The following PDS5A variants were observed in gnomAD, a reference collection of about 807,000 sequenced individuals.
PDS5A encodes PDS5 cohesin associated factor A.
In PDS5A, 42 loss-of-function variants were observed where a neutral mutation model predicts 167.1. The ratio of observed to expected loss-of-function variants is 0.25; its 90% CI spans 0.20 to 0.33. The LOEUF (loss-of-function observed/expected upper bound fraction) is 0.33. Among genes scored for constraint, PDS5A ranks in the 10% least tolerant of loss-of-function variants. PDS5A has a pLI of 1.00. For missense variants in PDS5A, 1,033 were observed against 1,605.9 expected (o/e 0.64, Z 6.10); for synonymous variants, 553 against 554.6 (o/e 1.00, Z 0.04).
At chr4:39,828,556 C>T (rs1052922597) in intron 32 of PDS5A, among the ~76,000 whole-genome samples, 2 of 152,136 alleles carry the variant, frequency 1.3e-5, no homozygotes, top group African/African-American at 4.8e-5. Context: ...CAGAAATCTA[C>T]CTAAAAGAGC....
chr4:39,908,455 G>A lies in PDS5A; in HGVS notation c.1173C>T (p.Asp391=). ...IVTIITAAKR[D]LALVNDQLLG... ...GCAGCTGATCATTTACTAAGGCCAG[G>A]TCCCTCTTGGCAGCTGTTATTATAG... The change falls in exon 11 of 33, where the codon GAC becomes GAT. Residue 391 remains aspartate (D), a synonymous_variant. Coordinates refer to ENST00000303538, the MANE Select transcript of PDS5A (RefSeq NM_001100399.2). 1.2e-6 allele frequency: 2 copies of A among 1,610,440 alleles called. No individual in the cohort carries two copies. The highest frequency in any genetic ancestry group is 1.7e-6 in the Non-Finnish European group (2 of 1,176,826).
At chr4:39,880,350 A>C (rs1720827229) in intron 17 of PDS5A, among the ~76,000 whole-genome samples, 1 of 152,186 alleles carries the variant, frequency 6.6e-6, no homozygotes, top group South Asian at 2.1e-4. Flanking sequence ...AATTAGGAAC[A>C]ATTTAATTGT....
chr4:39,866,780 T>C, intron 23 of PDS5A, 81 bp downstream of exon 23: 1 of 1,219,116 alleles, frequency 8.2e-7, no homozygotes, highest in South Asian at 1.5e-5. Flanking sequence ...CACCATTCAG[T>C]ATTCATTAGG....
At chr4:39,827,524 A>T (rs952004982) in intron 32 of PDS5A, among the ~76,000 whole-genome samples, 4 of 152,208 alleles carry the variant, frequency 2.6e-5, no homozygotes, top group Admixed American at 2.6e-4. Flanking sequence ...TTACTAAAAA[A>T]AATTCATATT....
Position 39,976,552 on chromosome 4 carries a change from G to A in PDS5A, c.26C>T (p.Pro9Leu), listed in dbSNP as rs1731104698. Residue 9 changes from proline to leucine, a missense_variant, in exon 2 of 33, where the codon CCT (proline) becomes CTT (leucine). Pro to Leu is a moderately conservative substitution (Grantham distance 98). This residue lies in a region of PDS5A where 388 missense variants were observed against 615.1 expected (regional missense o/e 0.63). Transcript: ENST00000303538. MDFTAQPKPATALCGVVSA... is the reference protein window; with the variant it reads MDFTAQPKLATALCGVVSA... ...CACGACGCCACAGAGGGCAGTGGCA[G>A]GCTTGGGCTGCGCGGTGAAGTCCAT... 1 of 1,612,912 alleles carries A rather than the reference G, an allele frequency of 6.2e-7. No individual in the cohort carries two copies. The highest frequency in any genetic ancestry group is 1.7e-5 in the Admixed American group (1 of 59,976).
intron 8 of PDS5A, among the ~76,000 whole-genome samples, chr4:39,915,706 A>C (rs1165512800): frequency 3.3e-5 from 5 of 152,128 alleles, no homozygotes. Flanking sequence ...AAATGACAAT[A>C]ATGCAGAGTA....
intron 8 of PDS5A, among the ~76,000 whole-genome samples, chr4:39,914,200 T>C (rs1219266313): frequency 6.7e-6 from 1 of 148,650 alleles, no homozygotes; most frequent in African/African-American, 2.5e-5. Flanking sequence ...TTGCACTGTT[T>C]TCCCAAGCTA....
intron 3 of PDS5A, among the ~76,000 whole-genome samples, chr4:39,927,145 G>T (rs1725549084): frequency 6.6e-6 from 1 of 152,152 alleles, no homozygotes; most frequent in African/African-American, 2.4e-5. Flanking sequence ...CTACTATCGT[G>T]CTTTCACTTT....
rs181115364 is a variant in PDS5A at position 39,925,378 on chromosome 4, C to T, written c.527+458G>A. ...TTCTAGGTCTAGAATAAGAAGTTGT[C>T]AAAGTTAGTGAGCTTAAAGACTGAG... is the stretch of plus-strand genomic sequence containing the variant. On this transcript the variant is annotated intron_variant, in intron 5 of 32. Transcript: ENST00000303538. Among the ~76,000 whole-genome samples the T allele has an allele frequency of 5.3e-5, 8 of 152,258 alleles. No individual in the cohort carries two copies. In the East Asian group the frequency reaches 1.5e-3, roughly 29 times the overall value.
chr4:39,968,642 G>C (rs1265496274), intron 2 of PDS5A, among the ~76,000 whole-genome samples: 1 of 151,676 alleles, frequency 6.6e-6, no homozygotes, highest in African/African-American at 2.4e-5. Flanking sequence ...ACGTTGGTCA[G>C]GCTGGTCTCG....
At chr4:39,912,389 GA>G (rs1186770712) in intron 9 of PDS5A, among the ~76,000 whole-genome samples, 1 of 152,110 alleles carries the variant, frequency 6.6e-6, no homozygotes. Flanking sequence ...CTGGGATAGG[GA>G]ATTCCTCCCC....
Position 39,925,936 on chromosome 4 carries a change from TAAATA to T in PDS5A, c.430-8_430-4del. On this transcript the variant is annotated splice_polypyrimidine_tract_variant and splice_region_variant and intron_variant, in intron 4 of 32. Coordinates refer to ENST00000303538, the MANE Select transcript of PDS5A (RefSeq NM_001100399.2). ...TATGATTTAACCCAAGCTAAATTCT[TAAATA>T]AATAAAAATAATTATTGAATTATAC... is the stretch of plus-strand genomic sequence containing the variant. 1.8e-6 allele frequency: 2 copies of T among 1,094,076 alleles called. No homozygotes were observed. Among genetic ancestry groups the T allele is most frequent in the Non-Finnish European group, 2.6e-6 (2 of 782,516 alleles). The allele number at this position is 1,094,076 out of a possible 1,614,324, so 67.8% of individuals were successfully genotyped here. A position where few individuals can be genotyped will look rare whatever the true frequency, so the allele number is the denominator to read the frequency against.
chr4:39,961,253 T>G (rs1165738565), intron 2 of PDS5A, among the ~76,000 whole-genome samples: 1 of 152,200 alleles, frequency 6.6e-6, no homozygotes, highest in East Asian at 1.9e-4. Context: ...AATTTTATCT[T>G]TCTGCACCAG....
intron 7 of PDS5A, among the ~76,000 whole-genome samples, chr4:39,918,293 G>A (rs1724589575): frequency 6.6e-6 from 1 of 150,662 alleles, no homozygotes; most frequent in Non-Finnish European, 1.5e-5. Context: ...AATACTCAGA[G>A]AAAGTCAAAT....
rs1441168237 is a variant in PDS5A, at chr4:39,839,763, G to GC, written c.3658-1556_3658-1555insG. 2.8e-5 allele frequency among the ~76,000 whole-genome samples: 4 copies of GC among 144,950 alleles called. No homozygotes were observed. In the South Asian group the frequency reaches 9.2e-4, roughly 34 times the overall value. On this transcript the variant is annotated intron_variant, in intron 31 of 32. Coordinates refer to ENST00000303538, the MANE Select transcript of PDS5A (RefSeq NM_001100399.2). ...TTCAAGAATATGATTCTGGGGGGGG[G>GC]GGGCAGGGGAGGAAATAATATCTTC...
At chr4:39,938,897 G>A (rs1473539380) in intron 2 of PDS5A, among the ~76,000 whole-genome samples, 1 of 151,758 alleles carries the variant, frequency 6.6e-6, no homozygotes, top group Non-Finnish European at 1.5e-5. Flanking sequence ...TTGAACCAGG[G>A]AGTCCGAGGT....
At chr4:39,962,791 G>A (rs952060375) in intron 2 of PDS5A, among the ~76,000 whole-genome samples, 5 of 151,980 alleles carry the variant, frequency 3.3e-5, no homozygotes, top group Admixed American at 2.6e-4. Flanking sequence ...GCGAGACTCC[G>A]TCTGGCGAGG....
At chr4:39,863,823 T>C (rs1284730859) in intron 23 of PDS5A, among the ~76,000 whole-genome samples, 2 of 152,258 alleles carry the variant, frequency 1.3e-5, no homozygotes, top group South Asian at 2.1e-4. Flanking sequence ...GAAATACATA[T>C]TGATTGTAGA....
intron 2 of PDS5A, among the ~76,000 whole-genome samples, chr4:39,955,343 T>C (rs1406905942): frequency 6.6e-6 from 1 of 152,096 alleles, no homozygotes; most frequent in Non-Finnish European, 1.5e-5. Flanking sequence ...GGCTCAAACC[T>C]GTAATCCCAG....
Sources: allele counts gnomAD v4.1 joint callset (sites outside exome capture counted in the v4.1 genomes callset), GRCh38; gene constraint gnomAD v4.1.1; regional missense constraint gnomAD v4.1.1; transcripts MANE v1.5; gene names NCBI Gene and HGNC (gene_info 2026-07-23, HGNC 2026-07-21).